The following PSD3 variants were observed in gnomAD, a reference collection of about 807,000 sequenced individuals.
PSD3 encodes the protein PH and SEC7 domain-containing protein 3.
Under a neutral mutation model 105.5 loss-of-function variants are expected in PSD3, and 49 were observed. The ratio of observed to expected loss-of-function variants is 0.46; its 90% CI spans 0.37 to 0.59. The LOEUF (loss-of-function observed/expected upper bound fraction) is 0.59. Among genes scored for constraint, PSD3 ranks in the 20% least tolerant of loss-of-function variants. The pLI is 0.00. For missense variants in PSD3, 1,561 were observed against 1,263.8 expected (o/e 1.24, Z -3.57); for synonymous variants, 557 against 457.8 (o/e 1.22, Z -2.77).
At chr8:18,789,125 GAA>G (rs1809463544) in intron 8 of PSD3, among the ~76,000 whole-genome samples, 1 of 151,954 alleles carries the variant, frequency 6.6e-6, no homozygotes, top group South Asian at 2.1e-4. Context: ...GTGGTAAAAA[GAA>G]AAAAAGGAAC....
intron 15 of PSD3, among the ~76,000 whole-genome samples, chr8:18,547,116 G>A (rs1800495067): frequency 6.6e-6 from 1 of 152,134 alleles, no homozygotes; most frequent in African/African-American, 2.4e-5. Flanking sequence ...CTGGGCCCTA[G>A]CACTGGGCAC....
intron 9 of PSD3, among the ~76,000 whole-genome samples, chr8:18,699,470 A>T (rs564000827): frequency 1.3e-5 from 2 of 152,230 alleles, no homozygotes; most frequent in Non-Finnish European, 2.9e-5. Flanking sequence ...ACGACCCAAC[A>T]TTTCTTTCTT....
At chr8:18,552,502 T>G (rs1800827248) in intron 15 of PSD3, among the ~76,000 whole-genome samples, 1 of 152,178 alleles carries the variant, frequency 6.6e-6, no homozygotes, top group Non-Finnish European at 1.5e-5. Flanking sequence ...GGCCCAGGTG[T>G]TTTCCAGAAC....
At chr8:18,633,685 A>C (rs1027772082) in intron 10 of PSD3, among the ~76,000 whole-genome samples, 4 of 152,064 alleles carry the variant, frequency 2.6e-5, no homozygotes, top group African/African-American at 9.7e-5. Context: ...GGTTAATTCC[A>C]TGATTTTGCT....
At chr8:18,585,028 G>A (rs1021087173) in intron 12 of PSD3, among the ~76,000 whole-genome samples, 15 of 152,256 alleles carry the variant, frequency 9.9e-5, no homozygotes, top group Admixed American at 7.8e-4. Flanking sequence ...GAGGAATGGG[G>A]TGATATGGTA....
intron 2 of PSD3, among the ~76,000 whole-genome samples, chr8:18,911,747 G>C (rs962988471): frequency 6.6e-6 from 1 of 151,864 alleles, no homozygotes; most frequent in South Asian, 2.1e-4. Flanking sequence ...TATAGACATA[G>C]ATATATAAAT....
intron 1 of PSD3, among the ~76,000 whole-genome samples, chr8:19,058,621 G>C (rs1368081604): frequency 1.3e-5 from 2 of 151,892 alleles, no homozygotes; most frequent in African/African-American, 4.8e-5. Flanking sequence ...CTACCAGCTA[G>C]GCCCAACTTA....
Position 18,530,522 on chromosome 8 carries a change from T to C in PSD3, c.*5221A>G, listed in dbSNP as rs925750019. ...AACATACACAAATACATAAATGATA[T>C]GGTGGGTACTTAATTCTTCCGAAAG... On this transcript the variant is annotated 3_prime_UTR_variant, in exon 16 of 16. Coordinates refer to ENST00000327040, the MANE Select transcript of PSD3 (RefSeq NM_015310.4). 4 of 152,584 alleles carry C rather than the reference T, an allele frequency of 2.6e-5. No individual in the cohort carries two copies. The highest frequency in any genetic ancestry group is 9.7e-5 in the African/African-American group (4 of 41,440). The allele number at this position is 152,584 out of a possible 1,614,324, so 9.5% of individuals were successfully genotyped here. A position where few individuals can be genotyped will look rare whatever the true frequency, so the allele number is the denominator to read the frequency against.
chr8:18,916,561 G>A (rs78866302), intron 2 of PSD3, among the ~76,000 whole-genome samples: 7,543 of 151,870 alleles, frequency 0.05, 211 homozygotes, highest in Admixed American at 0.081. Flanking sequence ...GAGTACGATG[G>A]TGGTTACCAG....
intron 1 of PSD3, among the ~76,000 whole-genome samples, chr8:19,031,476 T>TGTTATGC (rs139286227): frequency 0.12 from 17,848 of 152,250 alleles, 1,081 homozygotes; most frequent in Non-Finnish European, 0.14. Flanking sequence ...AACAGAGTAC[T>TGTTATGC]ATACGGTAAA....
intron 8 of PSD3, among the ~76,000 whole-genome samples, chr8:18,784,793 C>T (rs370728699): frequency 1.3e-3 from 197 of 152,252 alleles, no homozygotes; most frequent in African/African-American, 4.6e-3. Context: ...ACCTTCCAAG[C>T]ACATAGATGT....
At chr8:18,714,205 G>A (rs1802432460) in intron 9 of PSD3, among the ~76,000 whole-genome samples, 1 of 152,072 alleles carries the variant, frequency 6.6e-6, no homozygotes, top group Non-Finnish European at 1.5e-5. Flanking sequence ...ATACCATTCA[G>A]GACATACGCA....
At chr8:18,694,873 A>T (rs1585642119) in intron 9 of PSD3, among the ~76,000 whole-genome samples, 1 of 152,174 alleles carries the variant, frequency 6.6e-6, no homozygotes, top group East Asian at 1.9e-4. Flanking sequence ...GGTAGTACTG[A>T]TTCAAGGGAT....
chr8:18,713,119 T>C (rs1295356026), intron 9 of PSD3, among the ~76,000 whole-genome samples: 1 of 152,144 alleles, frequency 6.6e-6, no homozygotes, highest in Admixed American at 6.5e-5. Flanking sequence ...AAACTAGGTA[T>C]TGAAGGAACG....
intron 15 of PSD3, among the ~76,000 whole-genome samples, chr8:18,553,311 G>A (rs962231349): frequency 4.6e-5 from 7 of 152,074 alleles, no homozygotes; most frequent in Non-Finnish European, 7.4e-5. Context: ...TCCTCTTCCT[G>A]TCACTGCCCA....
At position 18,678,991 on chromosome 8, in the gene PSD3, TGTACTC is replaced by T. The variant is rs1230398873; in HGVS notation, c.2173-23312_2173-23307del. ...AAGGATGAATTTATGAGGTTAAAAA[TGTACTC>T]CTTCAACTTAGGAATAACAAAAATA... On this transcript the variant is annotated intron_variant, in intron 9 of 15. Coordinates refer to ENST00000327040, the MANE Select transcript of PSD3 (RefSeq NM_015310.4). Among the ~76,000 whole-genome samples, 9 of 114,814 alleles carry T rather than the reference TGTACTC, an allele frequency of 7.8e-5. No homozygotes were observed. In the East Asian group the frequency reaches 1.3e-3, roughly 17 times the overall value. 75.3% of individuals were successfully genotyped at this position (114,814 alleles called of 152,430 possible). A position where few individuals can be genotyped will look rare whatever the true frequency, so the allele number is the denominator to read the frequency against.
upstream of PSD3, among the ~76,000 whole-genome samples, chr8:19,017,953 A>G (rs559225210): frequency 3.3e-5 from 5 of 152,244 alleles, no homozygotes; most frequent in Non-Finnish European, 5.9e-5. Flanking sequence ...TTATATCGTG[A>G]CTGTATAACT....
intron 1 of PSD3, among the ~76,000 whole-genome samples, chr8:19,075,071 A>G (rs1194590010): frequency 6.6e-6 from 1 of 151,614 alleles, no homozygotes; most frequent in Non-Finnish European, 1.5e-5. Flanking sequence ...TCGGCCTCCC[A>G]AGTAGTTGGG....
chr8:18,763,418 T>G (rs557885195), intron 9 of PSD3, among the ~76,000 whole-genome samples: 29 of 152,280 alleles, frequency 1.9e-4, no homozygotes, highest in South Asian at 8.3e-4. Context: ...ACACCAAATT[T>G]TGAAAAGTTT....
Sources: gnomAD v4.1 joint callset for allele counts (sites outside exome capture counted in the v4.1 genomes callset) on GRCh38, gnomAD v4.1.1 for gene constraint, MANE v1.5 for transcripts, NCBI Gene and HGNC (gene_info 2026-07-23, HGNC 2026-07-21) for gene names.